HDAC9: variants seen among roughly 807,000 people sequenced by gnomAD.
HDAC9 encodes the protein histone deacetylase 9, also known as MEF-2 interacting transcription repressor (MITR) protein.
HDAC9 carries 41 observed loss-of-function variants against 139.4 expected under a neutral mutation model. The ratio of observed to expected loss-of-function variants is 0.29; its 90% CI spans 0.23 to 0.38. The LOEUF (loss-of-function observed/expected upper bound fraction) is 0.38. Among genes scored for constraint, HDAC9 ranks in the 10% least tolerant of loss-of-function variants. The probability of loss-of-function intolerance (pLI) is 1.00; values close to 1 mark genes in which losing one functional copy is unlikely to be tolerated. For synonymous variants in HDAC9, 517 were observed against 476.2 expected (o/e 1.09, Z -1.12); for missense variants, 1,147 against 1,297.0 (o/e 0.88, Z 1.78).
intron 25 of HDAC9, among the ~76,000 whole-genome samples, chr7:18,980,894 G>C (rs749867083): frequency 6.6e-6 from 1 of 151,376 alleles, no homozygotes; most frequent in African/African-American, 2.4e-5. Context: ...TGTGATCTCA[G>C]CTCACTGCAA....
chr7:18,996,217 G>A lies in HDAC9; in HGVS notation c.*155G>A. The A allele has an allele frequency of 1.8e-6, 1 of 550,004 alleles. No individual in the cohort carries two copies. The highest frequency in any genetic ancestry group is 3.3e-6 in the Non-Finnish European group (1 of 305,190). 34.1% of individuals were successfully genotyped at this position (550,004 alleles called of 1,614,324 possible). A position where few individuals can be genotyped will look rare whatever the true frequency, so the allele number is the denominator to read the frequency against. ...AAAATTCTGAACAGCAGCTTCACTT[G>A]TTCTTTGGATGGACTTGAAAGGGCA... is the stretch of plus-strand genomic sequence containing the variant. On this transcript the variant is annotated 3_prime_UTR_variant, in exon 26 of 26. Coordinates refer to ENST00000686413, the MANE Select transcript of HDAC9 (RefSeq NM_178425.4).
intron 2 of HDAC9, among the ~76,000 whole-genome samples, chr7:18,237,504 G>A (rs1426079003): frequency 6.6e-6 from 1 of 152,170 alleles, no homozygotes; most frequent in African/African-American, 2.4e-5. Context: ...TCTGGCATAT[G>A]TGGAATAAAA....
chr7:18,243,643 T>C (rs983267431), intron 2 of HDAC9, among the ~76,000 whole-genome samples: 41 of 152,268 alleles, frequency 2.7e-4, no homozygotes, highest in African/African-American at 9.6e-4. Context: ...AACGTGGACC[T>C]AGGCTAAGAT....
In HDAC9 at chr7:18,871,299, A is replaced by G. The variant is rs569290461; in HGVS notation, c.2685-3179A>G. ...CATTTTTTTGACTTCTGTCACCACAAGATATTCCAGAGTCATGTAGTATTT... is the reference window on the plus strand; with the variant it reads ...CATTTTTTTGACTTCTGTCACCACAGGATATTCCAGAGTCATGTAGTATTT... On this transcript the variant is annotated intron_variant, in intron 21 of 25. Transcript: ENST00000686413. 1.6e-3 allele frequency among the ~76,000 whole-genome samples: 247 copies of G among 152,302 alleles called. 1 individual carries two copies. Among genetic ancestry groups the G allele is most frequent in the African/African-American group, 5.6e-3 (232 of 41,578 alleles).
chr7:18,525,814 G>T (rs929431451), intron 2 of HDAC9, among the ~76,000 whole-genome samples: 1 of 152,054 alleles, frequency 6.6e-6, no homozygotes, highest in African/African-American at 2.4e-5. Context: ...CTTTGGCCTT[G>T]GTTCTACCTG....
At chr7:18,131,402 G>T (rs904795230) in intron 1 of HDAC9, among the ~76,000 whole-genome samples, 23 of 152,256 alleles carry the variant, frequency 1.5e-4, no homozygotes, top group African/African-American at 5.3e-4. Context: ...TATGGTTAAA[G>T]AACGAGTTTA....
chr7:18,455,986 T>G (rs1793306475), intron 1 of HDAC9, among the ~76,000 whole-genome samples: 1 of 152,198 alleles, frequency 6.6e-6, no homozygotes, highest in Non-Finnish European at 1.5e-5. Flanking sequence ...AAGAAGCTTT[T>G]TTACTTGCTA....
chr7:18,709,792 C>T (rs1445177534), intron 12 of HDAC9, among the ~76,000 whole-genome samples: 1 of 152,174 alleles, frequency 6.6e-6, no homozygotes, highest in Non-Finnish European at 1.5e-5. Flanking sequence ...CCACCTTGGC[C>T]TCCCAAAGTG....
intron 6 of HDAC9, among the ~76,000 whole-genome samples, chr7:18,599,959 C>A (rs921447002): frequency 7.4e-6 from 1 of 135,656 alleles, no homozygotes; most frequent in Admixed American, 8.0e-5. Flanking sequence ...TACTTGTTAG[C>A]ACTTTGTATT....
At chr7:18,274,678 G>C (rs1796603958) in intron 2 of HDAC9, among the ~76,000 whole-genome samples, 2 of 152,150 alleles carry the variant, frequency 1.3e-5, no homozygotes, top group Admixed American at 1.3e-4. Flanking sequence ...GGAATATTAT[G>C]TCGGTCTGAG....
At chr7:18,890,597 G>C (rs1379957615) in intron 22 of HDAC9, among the ~76,000 whole-genome samples, 1 of 152,124 alleles carries the variant, frequency 6.6e-6, no homozygotes, top group African/African-American at 2.4e-5. Context: ...TTTCATATGT[G>C]GGAAAGAAGA....
intron 2 of HDAC9, among the ~76,000 whole-genome samples, chr7:18,499,311 T>G (rs1330450811): frequency 6.6e-6 from 1 of 152,186 alleles, no homozygotes; most frequent in East Asian, 1.9e-4. Flanking sequence ...TGTACAGAGC[T>G]CTTTATATAC....
intron 6 of HDAC9, among the ~76,000 whole-genome samples, chr7:18,602,283 G>A (rs1443695343): frequency 6.6e-6 from 1 of 151,842 alleles, no homozygotes; most frequent in Non-Finnish European, 1.5e-5. Flanking sequence ...AACATCCACA[G>A]CATCAATAGT....
intron 11 of HDAC9, among the ~76,000 whole-genome samples, chr7:18,662,314 A>C (rs75916943): frequency 0.012 from 1,805 of 152,216 alleles, 16 homozygotes; most frequent in Non-Finnish European, 0.019. Context: ...AATGGTGTAG[A>C]GGAAAGCCTA....
chr7:18,541,475 C>T (rs970588235), intron 2 of HDAC9, among the ~76,000 whole-genome samples: 3 of 152,144 alleles, frequency 2.0e-5, no homozygotes, highest in Admixed American at 2.0e-4. Context: ...TGGGGCTCAA[C>T]TGTCTCTCTA....
intron 1 of HDAC9, among the ~76,000 whole-genome samples, chr7:18,473,365 CTTTT>C (rs1236597076): frequency 1.3e-5 from 2 of 152,270 alleles, no homozygotes; most frequent in Admixed American, 6.5e-5. Context: ...TCGATTCTTT[CTTTT>C]ATGAAACCCA....
chr7:18,936,875 C>T (rs748970884), intron 23 of HDAC9, among the ~76,000 whole-genome samples: 1 of 151,946 alleles, frequency 6.6e-6, no homozygotes. Flanking sequence ...GCACATAGAA[C>T]ACATAGTTAC....
chr7:18,713,959 T>C (rs1247466904), intron 12 of HDAC9, among the ~76,000 whole-genome samples: 1 of 152,190 alleles, frequency 6.6e-6, no homozygotes, highest in Non-Finnish European at 1.5e-5. Flanking sequence ...TCAATTTCCT[T>C]ATCCTATTTG....
At chr7:18,290,507 A>G in exon 1 of HDAC9, 1 of 456,666 alleles carries the variant, frequency 2.2e-6, no homozygotes, top group Admixed American at 2.3e-5. Flanking sequence ...GGAATGCACA[A>G]CAAAACGGGT....
Sources: allele counts gnomAD v4.1 joint callset (sites outside exome capture counted in the v4.1 genomes callset), GRCh38; gene constraint gnomAD v4.1.1; transcripts MANE v1.5; gene names NCBI Gene and HGNC (gene_info 2026-07-23, HGNC 2026-07-21).